The following TMEM236 variants were observed in gnomAD, a reference collection of about 807,000 sequenced individuals.
TMEM236 encodes transmembrane protein 236, also known as family with sequence similarity 23, member A.
TMEM236 carries 11 observed loss-of-function variants against 14.7 expected under a neutral mutation model. The observed-to-expected ratio is 0.75, with a 90% CI of 0.47 to 1.24. The LOEUF (loss-of-function observed/expected upper bound fraction) is 1.24, where lower values mean the gene tolerates loss of function less well. TMEM236 is among the 50% of genes most tolerant of loss of function. The pLI, the probability that TMEM236 is intolerant of heterozygous loss-of-function variation, is 0.00. For missense variants in TMEM236, 464 were observed against 427.3 expected (o/e 1.09, Z -0.76); for synonymous variants, 182 against 168.6 (o/e 1.08, Z -0.62).
chr10:17,791,291 T>TA (rs561313552), intron 3 of TMEM236, among the ~76,000 whole-genome samples: 20,194 of 142,444 alleles, frequency 0.14, 1,523 homozygotes, highest in Non-Finnish European at 0.18. Flanking sequence ...CTATAAAAAG[T>TA]AAAAAAAAAA....
chr10:17,757,033 TTAAA>T (rs1837294037), intron 1 of TMEM236, among the ~76,000 whole-genome samples: 2 of 152,186 alleles, frequency 1.3e-5, no homozygotes, highest in Admixed American at 6.5e-5. Context: ...CACACGTGTT[TTAAA>T]TAGTGTTTAG....
chr10:17,762,311 T>C (rs902499396), intron 1 of TMEM236, among the ~76,000 whole-genome samples: 18 of 152,104 alleles, frequency 1.2e-4, no homozygotes, highest in African/African-American at 4.1e-4. Context: ...TTTGACTCTT[T>C]TGAAAGTCTC....
At chr10:17,783,991 C>A (rs1837795779) in intron 3 of TMEM236, among the ~76,000 whole-genome samples, 1 of 151,346 alleles carries the variant, frequency 6.6e-6, no homozygotes. Context: ...AATAGTAAGG[C>A]TGTTAAGTTT....
At chr10:17,769,839 T>C (rs956566722) in intron 1 of TMEM236, among the ~76,000 whole-genome samples, 1 of 152,228 alleles carries the variant, frequency 6.6e-6, no homozygotes, top group African/African-American at 2.4e-5. Context: ...CTTTATAATT[T>C]CAACTTGTAT....
chr10:17,786,461 T>A (rs1837838935), intron 3 of TMEM236, among the ~76,000 whole-genome samples: 2 of 152,198 alleles, frequency 1.3e-5, no homozygotes, highest in Non-Finnish European at 2.9e-5. Context: ...TGAGCTCAAG[T>A]GATCCTCCTG....
rs577529179 is a variant in TMEM236, at chr10:17,770,540, C to G, written c.258-769C>G. On this transcript the variant is annotated intron_variant, in intron 1 of 3. Transcript: ENST00000377495. ...CTGGGACTACAGGTGCTCGCCACCA[C>G]GCCCGGCTAATATTTTGTATTTTTA... Among the ~76,000 whole-genome samples the G allele has an allele frequency of 2.6e-3, 395 of 152,234 alleles. 1 individual carries two copies. Among genetic ancestry groups the G allele is most frequent in the South Asian group, 3.9e-3 (19 of 4,820 alleles).
At chr10:17,784,111 G>A (rs978467559) in intron 3 of TMEM236, among the ~76,000 whole-genome samples, 6,962 of 152,114 alleles carry the variant, frequency 0.046, 217 homozygotes, top group Non-Finnish European at 0.069. Context: ...CAAGCTATTA[G>A]TATTTCTGTA....
intron 1 of TMEM236, among the ~76,000 whole-genome samples, chr10:17,765,893 T>C (rs1487450091): frequency 1.3e-5 from 2 of 152,210 alleles, no homozygotes; most frequent in African/African-American, 2.4e-5. Flanking sequence ...TTCTGAAAGA[T>C]AACACATTTG....
intron 1 of TMEM236, among the ~76,000 whole-genome samples, chr10:17,758,997 A>G (rs1209361741): frequency 6.6e-6 from 1 of 152,312 alleles, no homozygotes; most frequent in East Asian, 1.9e-4. Context: ...CCATTTTATG[A>G]GGGAGGAAAC....
intron 3 of TMEM236, among the ~76,000 whole-genome samples, chr10:17,787,574 T>C (rs1837859379): frequency 1.3e-5 from 2 of 152,234 alleles, no homozygotes; most frequent in Admixed American, 6.5e-5. Context: ...CCCAGAATGC[T>C]CATTGCTCCC....
Position 17,800,827 on chromosome 10 carries a change from G to C in TMEM236, c.*4323G>C, listed in dbSNP as rs1331423793. On this transcript the variant is annotated 3_prime_UTR_variant, in exon 4 of 4. Coordinates refer to ENST00000377495, the MANE Select transcript of TMEM236 (RefSeq NM_001098844.3). ...CTAAAGACATTTTGTTTTACAATGG[G>C]GCTGTTTTTACATGTTAATTAAAAT... The C allele has an allele frequency of 6.6e-6, 1 of 151,968 alleles. No homozygotes were observed. The highest frequency in any genetic ancestry group is 1.9e-4 in the East Asian group (1 of 5,192). 9.4% of individuals were successfully genotyped at this position (151,968 alleles called of 1,614,324 possible).
chr10:17,777,796 C>T (rs1455501601), intron 3 of TMEM236, among the ~76,000 whole-genome samples: 1 of 152,048 alleles, frequency 6.6e-6, no homozygotes, highest in African/African-American at 2.4e-5. Flanking sequence ...TGGAATGCAG[C>T]GGCATGACCT....
chr10:17,770,929 C>T (rs1254559005), intron 1 of TMEM236, among the ~76,000 whole-genome samples: 1 of 152,052 alleles, frequency 6.6e-6, no homozygotes, highest in Non-Finnish European at 1.5e-5. Flanking sequence ...AATTTTACAA[C>T]ATGGGATATA....
chr10:17,789,354 C>G (rs1837886031), intron 3 of TMEM236, among the ~76,000 whole-genome samples: 1 of 152,236 alleles, frequency 6.6e-6, no homozygotes, highest in African/African-American at 2.4e-5. Flanking sequence ...TTACTATTTA[C>G]TGCAACCTAA....
In TMEM236 at chr10:17,796,478, T is replaced by TC. The variant is rs1177143621; in HGVS notation, c.1031dup (p.Ala345CysfsTer3). 34 of 1,613,574 alleles carry TC rather than the reference T, an allele frequency of 2.1e-5. No individual in the cohort carries two copies. The highest frequency in any genetic ancestry group is 2.9e-5 in the Non-Finnish European group (34 of 1,179,720). Reference sequence around the variant, plus strand: ...TTACCTAACCAGAATCAGGATTTTTTCTGCCTTTGAAATGTCTCCATTTTA... The same window carrying TC: ...TTACCTAACCAGAATCAGGATTTTTTCCTGCCTTTGAAATGTCTCCATTTTA... On this transcript the variant is annotated frameshift_variant, in exon 4 of 4. Transcript: ENST00000377495. LOFTEE classifies it high-confidence loss of function.
intron 3 of TMEM236, among the ~76,000 whole-genome samples, chr10:17,786,180 T>C (rs984495356): frequency 3.3e-5 from 5 of 152,244 alleles, no homozygotes; most frequent in African/African-American, 1.2e-4. Context: ...TCAGGGAGAC[T>C]GATAGGAATA....
At chr10:17,764,775 G>A (rs1480492455) in intron 1 of TMEM236, among the ~76,000 whole-genome samples, 1 of 151,116 alleles carries the variant, frequency 6.6e-6, no homozygotes, top group African/African-American at 2.4e-5. Context: ...TCTTCACATG[G>A]CATTCTTCCT....
chr10:17,761,464 G>A (rs559124024), intron 1 of TMEM236, among the ~76,000 whole-genome samples: 6 of 151,982 alleles, frequency 3.9e-5, no homozygotes, highest in Admixed American at 6.6e-5. Flanking sequence ...AGGCCGAGGC[G>A]GATGGATCAC....
intron 3 of TMEM236, among the ~76,000 whole-genome samples, chr10:17,791,925 C>T (rs1436477980): frequency 1.3e-5 from 2 of 152,160 alleles, no homozygotes; most frequent in African/African-American, 4.8e-5. Flanking sequence ...TTTGGGATGC[C>T]ATTTGCCAAC....
Sources: allele counts gnomAD v4.1 joint callset (sites outside exome capture counted in the v4.1 genomes callset), GRCh38; gene constraint gnomAD v4.1.1; transcripts MANE v1.5; gene names NCBI Gene and HGNC (gene_info 2026-07-23, HGNC 2026-07-21).